Variants in RANBP17 observed in about 807,000 individuals in gnomAD.
The protein encoded by RANBP17 is ran-binding protein 17.
Under a neutral mutation model 141.2 loss-of-function variants are expected in RANBP17, and 158 were observed. The ratio of observed to expected loss-of-function variants is 1.12; its 90% confidence interval spans 0.98 to 1.28. The LOEUF (loss-of-function observed/expected upper bound fraction) is 1.28, where lower values mean the gene tolerates loss of function less well. RANBP17 is among the 50% of genes most tolerant of loss of function. The pLI is 0.00. For missense variants in RANBP17, 1,438 were observed against 1,290.7 expected, an observed-to-expected ratio of 1.11 and a Z score of -1.75; for synonymous variants, 430 against 450.0, an observed-to-expected ratio of 0.96 and a Z score of 0.56.
At chr5:171,141,026 T>G (rs1221080051) in intron 14 of RANBP17, among the ~76,000 whole-genome samples, 1 of 152,228 alleles carries the variant, frequency 6.6e-6, no homozygotes, top group African/African-American at 2.4e-5. Flanking sequence ...GAGGCCATTC[T>G]GTTCCCATGA....
At chr5:171,272,508 A>G (rs1215554895) in intron 25 of RANBP17, among the ~76,000 whole-genome samples, 1 of 152,022 alleles carries the variant, frequency 6.6e-6, no homozygotes, top group South Asian at 2.1e-4. Context: ...CAGATATAGA[A>G]ACTGAGGCAC....
At chr5:170,962,938 G>A (rs774266851) in intron 13 of RANBP17, among the ~76,000 whole-genome samples, 4 of 152,092 alleles carry the variant, frequency 2.6e-5, no homozygotes, top group African/African-American at 7.2e-5. Context: ...TGACCTAGAC[G>A]TTTTGTTTCG....
chr5:171,242,900 A>G, intron 24 of RANBP17, 80 bp downstream of exon 24: 1 of 1,320,060 alleles, frequency 7.6e-7, no homozygotes, highest in Non-Finnish European at 1.1e-6. Context: ...TGAGACTATC[A>G]TCCTACAAAG....
chr5:171,052,891 T>G (rs112624520), intron 14 of RANBP17, among the ~76,000 whole-genome samples: 4,025 of 151,108 alleles, frequency 0.027, 163 homozygotes, highest in African/African-American at 0.091. Flanking sequence ...TCACTGTTGT[T>G]GCCCAGGCTG....
chr5:170,896,675 C>A (rs1233358822), intron 5 of RANBP17, among the ~76,000 whole-genome samples: 2 of 152,062 alleles, frequency 1.3e-5, no homozygotes, highest in East Asian at 1.9e-4. Flanking sequence ...ACTAAAAATA[C>A]AACAATTAGA....
intron 14 of RANBP17, among the ~76,000 whole-genome samples, chr5:171,064,357 T>C (rs1476756072): frequency 2.0e-5 from 3 of 152,258 alleles, no homozygotes; most frequent in Non-Finnish European, 2.9e-5. Context: ...GCTAATTTGA[T>C]GGGTGAAAAA....
chr5:171,234,813 G>A (rs1170053783), intron 22 of RANBP17, among the ~76,000 whole-genome samples: 1 of 152,200 alleles, frequency 6.6e-6, no homozygotes, highest in Admixed American at 6.5e-5. Flanking sequence ...CCCAAGTAGA[G>A]ATGTTGAATG....
intron 11 of RANBP17, among the ~76,000 whole-genome samples, chr5:170,922,119 C>A (rs1581152437): frequency 6.6e-6 from 1 of 152,068 alleles, no homozygotes; most frequent in East Asian, 1.9e-4. Flanking sequence ...TGCCGGAGGT[C>A]CACTCCAGAC....
intron 14 of RANBP17, among the ~76,000 whole-genome samples, chr5:171,093,037 T>G (rs1786419167): frequency 6.6e-6 from 1 of 152,166 alleles, no homozygotes; most frequent in South Asian, 2.1e-4. Flanking sequence ...TCTACCAGCA[T>G]CTAAGTCCTC....
chr5:170,998,320 A>T (rs1305175726), intron 14 of RANBP17, among the ~76,000 whole-genome samples: 1 of 152,166 alleles, frequency 6.6e-6, no homozygotes, highest in Non-Finnish European at 1.5e-5. Context: ...ATTTCAAATC[A>T]TTAGGAACAC....
intron 14 of RANBP17, among the ~76,000 whole-genome samples, chr5:171,155,461 G>A (rs1758834032): frequency 6.6e-6 from 1 of 151,920 alleles, no homozygotes; most frequent in African/African-American, 2.4e-5. Context: ...TAAAAAAGAA[G>A]CAAAAATAAG....
At chr5:170,894,044 TA>T (rs763126019) in intron 4 of RANBP17, among the ~76,000 whole-genome samples, 3 of 152,210 alleles carry the variant, frequency 2.0e-5, no homozygotes, top group Non-Finnish European at 4.4e-5. Context: ...TCTATGTTGT[TA>T]AAACCTGGTT....
intron 21 of RANBP17, among the ~76,000 whole-genome samples, chr5:171,214,588 A>G (rs967506890): frequency 6.6e-6 from 1 of 152,202 alleles, no homozygotes; most frequent in Non-Finnish European, 1.5e-5. Flanking sequence ...TGAGTTTTTC[A>G]CAGCAATAAT....
intron 14 of RANBP17, among the ~76,000 whole-genome samples, chr5:171,011,533 A>G (rs1451579489): frequency 6.6e-6 from 1 of 152,028 alleles, no homozygotes; most frequent in African/African-American, 2.4e-5. Flanking sequence ...AAACTTAATA[A>G]TTTAACAAAT....
intron 14 of RANBP17, among the ~76,000 whole-genome samples, chr5:171,154,988 G>A (rs1373194818): frequency 6.7e-6 from 1 of 150,298 alleles, no homozygotes; most frequent in African/African-American, 2.5e-5. Context: ...TGAGACAGGA[G>A]AATGGCTTGA....
rs151100367 is a variant in RANBP17, at chr5:171,254,694, T to C, written c.2777-10987T>C. ...TTTTTTTGGACACTTTTCCATGCAT[T>C]AGTAAGTTGTCTGACAGTAGCCGAA... On this transcript the variant is annotated intron_variant, in intron 24 of 27. Transcript: ENST00000523189. Among the ~76,000 whole-genome samples, 740 of 152,298 alleles carry C rather than the reference T, an allele frequency of 4.9e-3. 14 individuals carry two copies. Among genetic ancestry groups the C allele is most frequent in the South Asian group, 0.04 (191 of 4,820 alleles).
chr5:170,870,094 G>A (rs958249416), intron 1 of RANBP17, among the ~76,000 whole-genome samples: 2 of 152,020 alleles, frequency 1.3e-5, no homozygotes, highest in African/African-American at 2.4e-5. Flanking sequence ...TAATTATACC[G>A]AGTATTATCA....
intron 14 of RANBP17, among the ~76,000 whole-genome samples, chr5:171,066,730 TTTG>T (rs1460115923): frequency 6.6e-6 from 1 of 152,204 alleles, no homozygotes; most frequent in East Asian, 1.9e-4. Context: ...TTTTTAACTT[TTTG>T]AGGAGCCTCC....
intron 14 of RANBP17, among the ~76,000 whole-genome samples, chr5:171,097,790 C>T (rs1786810972): frequency 6.6e-6 from 1 of 151,828 alleles, no homozygotes; most frequent in Admixed American, 6.6e-5. Flanking sequence ...TCCCCTTGCC[C>T]CACACTCCCC....
Sources: gnomAD v4.1 joint callset for allele counts (sites outside exome capture counted in the v4.1 genomes callset) on GRCh38, gnomAD v4.1.1 for gene constraint, MANE v1.5 for transcripts, NCBI Gene and HGNC (gene_info 2026-07-23, HGNC 2026-07-21) for gene names.